The following COL4A2 variants were observed in gnomAD, a reference collection of about 807,000 sequenced individuals.
COL4A2 encodes the protein collagen alpha-2(IV) chain.
COL4A2 carries 99 observed loss-of-function variants against 200.2 expected under a neutral mutation model. That is an observed-to-expected ratio of 0.49 (90% CI 0.42 to 0.58). The LOEUF (loss-of-function observed/expected upper bound fraction) is 0.58. Among genes scored for constraint, COL4A2 ranks in the 20% least tolerant of loss-of-function variants. The pLI is 0.00. For missense variants in COL4A2, 1,950 were observed against 2,314.1 expected (o/e 0.84, Z 3.23); for synonymous variants, 897 against 900.6 (o/e 1.00, Z 0.07).
chr13:110,491,533 C>A (rs1566564743), intron 37 of COL4A2, among the ~76,000 whole-genome samples, 193 bp downstream of exon 37: 1 of 152,166 alleles, frequency 6.6e-6, no homozygotes, highest in African/African-American at 2.4e-5. Context: ...TGGGGGGAGA[C>A]CTGAGAATTG....
intron 3 of COL4A2, among the ~76,000 whole-genome samples, chr13:110,341,394 G>A (rs976952444): frequency 6.6e-5 from 10 of 152,250 alleles, no homozygotes; most frequent in Admixed American, 6.5e-4. Context: ...TAGGTTGGGT[G>A]TACATAGTTT....
intron 29 of COL4A2, among the ~76,000 whole-genome samples, chr13:110,475,424 A>G (rs947368997): frequency 6.6e-6 from 1 of 152,192 alleles, no homozygotes; most frequent in Non-Finnish European, 1.5e-5. Context: ...ATCCTGCCCC[A>G]AGCTCTTTGA....
chr13:110,432,419 T>C (rs971732485), intron 11 of COL4A2, 59 bp downstream of exon 11: 6 of 1,539,308 alleles, frequency 3.9e-6, no homozygotes, highest in Non-Finnish European at 5.2e-6. Context: ...TTTGTGGGTT[T>C]GTTTGTTTTT....
At chr13:110,422,875 T>TGTACCCTG (rs1880308471) in intron 4 of COL4A2, among the ~76,000 whole-genome samples, 1 of 152,218 alleles carries the variant, frequency 6.6e-6, no homozygotes, top group Admixed American at 6.5e-5. Context: ...ACATTAACAC[T>TGTACCCTG]GTACCCTGGG....
At position 110,439,822 on chromosome 13, in the gene COL4A2, C is replaced by A; in HGVS notation, c.946C>A (p.Pro316Thr). 6.2e-7 allele frequency: 1 copy of A among 1,613,944 alleles called. No homozygotes were observed. Residue 316 changes from proline to threonine, a missense_variant, in exon 16 of 48, where the codon CCA becomes ACA. By Grantham distance (38) the Pro-to-Thr change is conservative (BLOSUM62 -1). Around this residue, in one of 2 missense-constraint regions of COL4A2, gnomAD observed 565 missense variants for 593.5 expected, o/e 0.95. Transcript: ENST00000360467. ...TGGCTTGAGTGGTGAAAAAGGATCA[C>A]CAGGACAGAAGGTAAGTTGGATGCA... is the stretch of plus-strand genomic sequence containing the variant. ...YPGLSGEKGS[P>T]GQKGSRGLDG...
intron 4 of COL4A2, among the ~76,000 whole-genome samples, chr13:110,393,302 T>C (rs1879059019): frequency 6.6e-6 from 1 of 152,238 alleles, no homozygotes; most frequent in Non-Finnish European, 1.5e-5. Context: ...GCTGGCTCAA[T>C]TTCTTAATGC....
intron 4 of COL4A2, among the ~76,000 whole-genome samples, chr13:110,416,531 C>A (rs1031737138): frequency 6.6e-6 from 1 of 152,212 alleles, no homozygotes; most frequent in African/African-American, 2.4e-5. Flanking sequence ...AAAATCATAT[C>A]CAGAATATAA....
Position 110,435,508 on chromosome 13 carries a change from A to G in COL4A2, c.727-761A>G, listed in dbSNP as rs182793186. Reference sequence around the variant, plus strand: ...ATTTTAAGATATTCTATTAGTGGACACTCAGCGTACACTATGGAGTATCAC... The same window carrying G: ...ATTTTAAGATATTCTATTAGTGGACGCTCAGCGTACACTATGGAGTATCAC... On this transcript the variant is annotated intron_variant, in intron 12 of 47. Transcript: ENST00000360467. Among the ~76,000 whole-genome samples the G allele has an allele frequency of 2.6e-4, 39 of 152,350 alleles. No individual in the cohort carries two copies. The East Asian group carries it at 6.5e-3, about 26-fold the overall frequency.
At chr13:110,452,982 T>G (rs1246320054) in intron 20 of COL4A2, among the ~76,000 whole-genome samples, 1 of 151,746 alleles carries the variant, frequency 6.6e-6, no homozygotes, top group Non-Finnish European at 1.5e-5. Flanking sequence ...CCCAGGCTGG[T>G]CTTGAACTCC....
chr13:110,365,147 CT>C (rs753627983), intron 4 of COL4A2, among the ~76,000 whole-genome samples: 250 of 149,274 alleles, frequency 1.7e-3, no homozygotes, highest in Middle Eastern at 3.5e-3. Flanking sequence ...TTCTCTCTTG[CT>C]TTTTTTTTTC....
intron 3 of COL4A2, among the ~76,000 whole-genome samples, chr13:110,310,585 A>G (rs73619272): frequency 0.018 from 2,708 of 152,346 alleles, 62 homozygotes; most frequent in African/African-American, 0.058. Context: ...ACTTCTTGGT[A>G]ACCACTGGCT....
intron 3 of COL4A2, among the ~76,000 whole-genome samples, chr13:110,310,511 A>G (rs1466792547): frequency 1.3e-5 from 2 of 152,236 alleles, no homozygotes; most frequent in Non-Finnish European, 2.9e-5. Flanking sequence ...GGACCTAGTA[A>G]TATGTGTTGT....
At chr13:110,505,958 T>C (rs1475304233) in intron 45 of COL4A2, among the ~76,000 whole-genome samples, 1 of 152,120 alleles carries the variant, frequency 6.6e-6, no homozygotes, top group African/African-American at 2.4e-5. Flanking sequence ...CTCACTGCCA[T>C]CATTTCATGC....
intron 16 of COL4A2, among the ~76,000 whole-genome samples, chr13:110,445,244 GGA>G (rs1235126402): frequency 6.6e-6 from 1 of 152,084 alleles, no homozygotes; most frequent in African/African-American, 2.4e-5. Context: ...ACCTACCCTG[GGA>G]GAGAGTTTCA....
intron 4 of COL4A2, among the ~76,000 whole-genome samples, chr13:110,366,436 C>T (rs899882342): frequency 2.0e-5 from 3 of 152,246 alleles, no homozygotes; most frequent in East Asian, 1.9e-4. Flanking sequence ...TGCCTGTGAG[C>T]GGTCTTCTAC....
chr13:110,415,759 G>A (rs976333945), intron 4 of COL4A2, among the ~76,000 whole-genome samples: 5 of 152,172 alleles, frequency 3.3e-5, no homozygotes, highest in African/African-American at 7.2e-5. Context: ...TCAACTCACC[G>A]GGAGCCCGCC....
At chr13:110,434,577 G>C in intron 12 of COL4A2, 135 bp downstream of exon 12, 1 of 865,272 alleles carries the variant, frequency 1.2e-6, no homozygotes, top group Non-Finnish European at 1.8e-6. Flanking sequence ...TTTGCATAGG[G>C]AAATAATCAT....
chr13:110,348,395 G>C (rs1465603939), intron 3 of COL4A2, among the ~76,000 whole-genome samples: 2 of 152,222 alleles, frequency 1.3e-5, no homozygotes, highest in Non-Finnish European at 2.9e-5. Context: ...AAGGATTTGT[G>C]CTGGGTGGTA....
intron 4 of COL4A2, among the ~76,000 whole-genome samples, chr13:110,412,969 C>T (rs1387797958): frequency 6.6e-6 from 1 of 152,202 alleles, no homozygotes; most frequent in Non-Finnish European, 1.5e-5. Flanking sequence ...TCTGGTGGAA[C>T]GAACAATCAG....
Sources: allele counts gnomAD v4.1 joint callset (sites outside exome capture counted in the v4.1 genomes callset), GRCh38; gene constraint gnomAD v4.1.1; regional missense constraint gnomAD v4.1.1; transcripts MANE v1.5; gene names NCBI Gene and HGNC (gene_info 2026-07-23, HGNC 2026-07-21).